NRF1: variants seen among roughly 807,000 people sequenced by gnomAD.
NRF1 encodes the protein nuclear respiratory factor 1.
NRF1 carries 5 observed loss-of-function variants against 58.5 expected under a neutral mutation model. The ratio of observed to expected loss-of-function variants is 0.09; its 90% CI spans 0.04 to 0.18. The LOEUF is 0.18. NRF1 is among the 10% of genes least tolerant of loss of function. NRF1 has a pLI of 1.00. For missense variants in NRF1, 288 were observed against 657.7 expected, an observed-to-expected ratio of 0.44 and a Z score of 6.15; for synonymous variants, 224 against 246.7, an observed-to-expected ratio of 0.91 and a Z score of 0.86.
At chr7:129,621,776 A>G (rs1800801754) in intron 1 of NRF1, among the ~76,000 whole-genome samples, 2 of 142,350 alleles carry the variant, frequency 1.4e-5, no homozygotes, top group African/African-American at 5.2e-5. Flanking sequence ...GTTTTTCTCC[A>G]TAGAATTTTT....
intron 10 of NRF1, among the ~76,000 whole-genome samples, chr7:129,742,284 AAAAAAAAAC>A (rs1186899517): frequency 6.6e-6 from 1 of 151,456 alleles, no homozygotes; most frequent in Non-Finnish European, 1.5e-5. Context: ...TTAAAAAAAA[AAAAAAAAAC>A]AAAAAACTTT....
chr7:129,688,453 T>A (rs1273263104), intron 4 of NRF1, among the ~76,000 whole-genome samples: 1 of 152,180 alleles, frequency 6.6e-6, no homozygotes, highest in East Asian at 1.9e-4. Context: ...TCATTCTTCC[T>A]ATTGGCTTAT....
chr7:129,619,433 T>TATATACACAC (rs1554401492), intron 1 of NRF1, among the ~76,000 whole-genome samples: 5 of 65,860 alleles, frequency 7.6e-5, no homozygotes, highest in African/African-American at 1.6e-4. Flanking sequence ...TATATATATA[T>TATATACACAC]ACACACACAC....
intron 10 of NRF1, among the ~76,000 whole-genome samples, chr7:129,739,583 G>A (rs1288297076): frequency 2.0e-5 from 3 of 151,798 alleles, no homozygotes; most frequent in South Asian, 2.1e-4. Flanking sequence ...GCAGTAATCC[G>A]CAGCCAGTAA....
chr7:129,743,799 C>A (rs933391824), intron 10 of NRF1, among the ~76,000 whole-genome samples: 3 of 152,190 alleles, frequency 2.0e-5, no homozygotes, highest in African/African-American at 7.2e-5. Context: ...TGGACCATCT[C>A]CTCTGCCCCC....
chr7:129,642,215 C>T (rs1364335114), intron 1 of NRF1, among the ~76,000 whole-genome samples: 1 of 146,552 alleles, frequency 6.8e-6, no homozygotes, highest in African/African-American at 2.5e-5. Context: ...AACTCCTGAC[C>T]TCAAGTTATA....
At chr7:129,698,198 T>G (rs911621088) in intron 5 of NRF1, among the ~76,000 whole-genome samples, 3 of 152,068 alleles carry the variant, frequency 2.0e-5, no homozygotes, top group South Asian at 2.1e-4. Context: ...TTTTTTGTTT[T>G]GTTGAAAGCA....
At chr7:129,723,629 T>TAGTA (rs1489502143) in intron 9 of NRF1, among the ~76,000 whole-genome samples, 2 of 152,138 alleles carry the variant, frequency 1.3e-5, no homozygotes, top group Non-Finnish European at 2.9e-5. Context: ...ACAGTCTTAG[T>TAGTA]AGTAATTCCA....
At chr7:129,663,373 G>T (rs935947479) in intron 2 of NRF1, among the ~76,000 whole-genome samples, 3 of 149,422 alleles carry the variant, frequency 2.0e-5, no homozygotes, top group African/African-American at 7.4e-5. Context: ...CTTCCCAGAC[G>T]GGGTGGTGGC....
chr7:129,692,344 C>T (rs1488025944), intron 5 of NRF1, among the ~76,000 whole-genome samples: 1 of 151,974 alleles, frequency 6.6e-6, no homozygotes, highest in Admixed American at 6.5e-5. Flanking sequence ...TCCAGGAGTT[C>T]GATATCAGCC....
chr7:129,653,430 G>A (rs1213883701), intron 1 of NRF1, among the ~76,000 whole-genome samples: 1 of 152,096 alleles, frequency 6.6e-6, no homozygotes, highest in Admixed American at 6.6e-5. Flanking sequence ...GGTTCCAATT[G>A]ATGAGCCCAC....
At chr7:129,631,317 T>C (rs558984391) in intron 1 of NRF1, among the ~76,000 whole-genome samples, 7 of 152,084 alleles carry the variant, frequency 4.6e-5, no homozygotes, top group Non-Finnish European at 1.0e-4. Flanking sequence ...TCTCCCTGAC[T>C]CAAGCAGTCC....
intron 2 of NRF1, among the ~76,000 whole-genome samples, chr7:129,657,810 T>C (rs1801693069): frequency 6.6e-6 from 1 of 152,078 alleles, no homozygotes; most frequent in Non-Finnish European, 1.5e-5. Context: ...GAAATGTCAC[T>C]GTGTTACCCA....
intron 2 of NRF1, among the ~76,000 whole-genome samples, chr7:129,666,266 T>C (rs938371295): frequency 6.6e-6 from 1 of 152,100 alleles, no homozygotes; most frequent in Non-Finnish European, 1.5e-5. Flanking sequence ...CTTCCCTCCC[T>C]CCCTCCACTG....
chr7:129,635,447 T>G (rs545451044), intron 1 of NRF1, among the ~76,000 whole-genome samples: 31 of 152,310 alleles, frequency 2.0e-4, no homozygotes, highest in Non-Finnish European at 2.6e-4. Flanking sequence ...GAGCCTTTGC[T>G]TAAGGCTAGC....
At chr7:129,716,369 T>C (rs901855989) in intron 8 of NRF1, among the ~76,000 whole-genome samples, 2 of 152,156 alleles carry the variant, frequency 1.3e-5, no homozygotes, top group Non-Finnish European at 2.9e-5. Context: ...AGTACTGGTA[T>C]CATATTCCCT....
rs948680895 is a variant in NRF1 at position 129,741,582 on chromosome 7, A to C, written c.1349-13436A>C. On this transcript the variant is annotated intron_variant, in intron 10 of 10. Transcript: ENST00000393232. The surrounding 1 kb of genome is among the most constrained non-coding windows in gnomAD (Gnocchi z 4.0). ...TGGATGGCAAAGTGGGTTTTAATTG[A>C]GCATGTAAAAAGGGCATTAATCACT... Among the ~76,000 whole-genome samples, 23 of 152,170 alleles carry C rather than the reference A, an allele frequency of 1.5e-4. No homozygotes were observed. Among genetic ancestry groups the C allele is most frequent in the Non-Finnish European group, 3.2e-4 (22 of 68,022 alleles).
intron 10 of NRF1, among the ~76,000 whole-genome samples, chr7:129,751,879 G>A (rs1230365455): frequency 2.0e-5 from 3 of 152,174 alleles, no homozygotes; most frequent in African/African-American, 4.8e-5. Flanking sequence ...GAGCCTGATC[G>A]TGATAGGAGG....
intron 10 of NRF1, among the ~76,000 whole-genome samples, chr7:129,743,504 T>C (rs1299807921): frequency 6.6e-6 from 1 of 152,202 alleles, no homozygotes. Context: ...TTTGTCTGTG[T>C]CTAGTAGCTA....
Sources: gnomAD v4.1 joint callset for allele counts (sites outside exome capture counted in the v4.1 genomes callset) on GRCh38, gnomAD v4.1.1 for gene constraint, Gnocchi (gnomAD v3.1) non-coding constraint, MANE v1.5 for transcripts, NCBI Gene and HGNC (gene_info 2026-07-23, HGNC 2026-07-21) for gene names.